ISOC1: variants seen among roughly 807,000 people sequenced by gnomAD.
The protein encoded by ISOC1 is isochorismatase domain-containing protein 1.
In ISOC1, 33 loss-of-function variants were observed where a neutral mutation model predicts 30.0. That is an observed-to-expected ratio of 1.10 (90% CI 0.83 to 1.47). The LOEUF (loss-of-function observed/expected upper bound fraction) is 1.47, where lower values mean the gene tolerates loss of function less well. Among genes scored for constraint, ISOC1 ranks in the 40% most tolerant of loss-of-function variants. The probability of loss-of-function intolerance (pLI) is 0.00; values close to 1 mark genes in which losing one functional copy is unlikely to be tolerated. For synonymous variants in ISOC1, 178 were observed against 159.8 expected (o/e 1.11, Z -0.86); for missense variants, 372 against 388.0 (o/e 0.96, Z 0.35).
intron 1 of ISOC1, among the ~76,000 whole-genome samples, chr5:129,096,259 A>G (rs1328053143): frequency 6.6e-6 from 1 of 152,230 alleles, no homozygotes; most frequent in Non-Finnish European, 1.5e-5. Flanking sequence ...TGTTAACTAT[A>G]GTCACGCTAT....
At chr5:129,108,354 G>C (rs1561423503) in intron 4 of ISOC1, among the ~76,000 whole-genome samples, 1 of 152,134 alleles carries the variant, frequency 6.6e-6, no homozygotes, top group African/African-American at 2.4e-5. Flanking sequence ...TCCCTTCTCT[G>C]TTATTGCTGA....
At chr5:129,108,637 G>A (rs1753666623) in intron 4 of ISOC1, among the ~76,000 whole-genome samples, 1 of 151,742 alleles carries the variant, frequency 6.6e-6, no homozygotes, top group Non-Finnish European at 1.5e-5. Flanking sequence ...TCAGCCTCCC[G>A]AGTAGCTGGG....
At chr5:129,107,472 C>T (rs1753652664) in intron 4 of ISOC1, among the ~76,000 whole-genome samples, 1 of 152,008 alleles carries the variant, frequency 6.6e-6, no homozygotes, top group South Asian at 2.1e-4. Context: ...TATAGTGGAC[C>T]TTCTGTATCC....
At position 129,100,360 on chromosome 5, in the gene ISOC1, C is replaced by G. The variant is rs1753555285; in HGVS notation, c.310-4596C>G. On this transcript the variant is annotated intron_variant, in intron 1 of 4. Coordinates refer to ENST00000173527, the MANE Select transcript of ISOC1 (RefSeq NM_016048.2). ...AAATATTTATACTTGAATCTGATCTCTTAAACTCTTGCTTGAGGAAGCCAT... is the reference window on the plus strand; with the variant it reads ...AAATATTTATACTTGAATCTGATCTGTTAAACTCTTGCTTGAGGAAGCCAT... Among the ~76,000 whole-genome samples the G allele has an allele frequency of 2.0e-5, 3 of 152,080 alleles. No homozygotes were observed. In the South Asian group the frequency reaches 6.2e-4, roughly 31 times the overall value.
At chr5:129,111,617 G>A (rs976755392) in intron 4 of ISOC1, among the ~76,000 whole-genome samples, 3 of 152,104 alleles carry the variant, frequency 2.0e-5, no homozygotes, top group Admixed American at 2.0e-4. Context: ...ATAACAGTTT[G>A]TGTCTTTTTT....
rs192674296 is a variant in ISOC1 at position 129,106,424 on chromosome 5, C to T, written c.634-522C>T. ...AGATGGAATCTGTATAATACATTTG[C>T]GGATGATATGAACTGGGTATTTTTT... On this transcript the variant is annotated intron_variant, in intron 3 of 4. Transcript: ENST00000173527. 1.9e-3 allele frequency among the ~76,000 whole-genome samples: 296 copies of T among 152,210 alleles called. 1 individual carries two copies. Among genetic ancestry groups the T allele is most frequent in the African/African-American group, 6.2e-3 (256 of 41,526 alleles).
intron 4 of ISOC1, among the ~76,000 whole-genome samples, chr5:129,110,135 C>T (rs562302438): frequency 2.0e-5 from 3 of 152,092 alleles, no homozygotes; most frequent in Non-Finnish European, 4.4e-5. Flanking sequence ...GTCTTTTTCC[C>T]CCCTCTCTGA....
chr5:129,101,353 G>C (rs576704142), intron 1 of ISOC1, among the ~76,000 whole-genome samples: 4 of 151,280 alleles, frequency 2.6e-5, no homozygotes, highest in Non-Finnish European at 4.4e-5. Context: ...AAAATTAGCC[G>C]GGTGCAGTGG....
intron 4 of ISOC1, among the ~76,000 whole-genome samples, chr5:129,111,890 T>A (rs990841069): frequency 2.0e-5 from 3 of 152,258 alleles, no homozygotes; most frequent in Admixed American, 6.5e-5. Flanking sequence ...CAACCTTGAA[T>A]TTTACACTCT....
chr5:129,107,044 C>G lies in ISOC1; in HGVS notation c.732C>G (p.Asp244Glu). Residue 244 changes from aspartate (D) to glutamate (E), a missense_variant, in exon 4 of 5, where the codon GAC (aspartate) becomes GAG (glutamate). Physicochemically the swap from Asp to Glu is conservative, Grantham distance 45. Transcript: ENST00000173527. ...ADATSSRSMM[D>E]RMFALERLAR... is the part of the protein sequence containing the mutation. Reference sequence around the variant, plus strand: ...CCACCTCATCAAGAAGCATGATGGACAGGATGTTTGCCCTCGAGGTAATTG... The same window carrying G: ...CCACCTCATCAAGAAGCATGATGGAGAGGATGTTTGCCCTCGAGGTAATTG... 6.2e-7 allele frequency: 1 copy of G among 1,613,172 alleles called. No individual in the cohort carries two copies. The highest frequency in any genetic ancestry group is 1.7e-4 in the Middle Eastern group (1 of 6,058).
chr5:129,113,322 T>G lies in ISOC1; in HGVS notation c.*321T>G, dbSNP rs1339037508. The G allele has an allele frequency of 5.2e-6, 1 of 190,748 alleles. No individual in the cohort carries two copies. Among genetic ancestry groups the G allele is most frequent in the Non-Finnish European group, 1.1e-5 (1 of 93,528 alleles). The allele number at this position is 190,748 out of a possible 1,614,324, so 11.8% of individuals were successfully genotyped here. ...TATCTTTCCAAAGTGCAGACTCTTGTGAAGTTTTCTTAAATTGTTCACTTT... is the reference window on the plus strand; with the variant it reads ...TATCTTTCCAAAGTGCAGACTCTTGGGAAGTTTTCTTAAATTGTTCACTTT... On this transcript the variant is annotated 3_prime_UTR_variant, in exon 5 of 5. Transcript: ENST00000173527.
intron 1 of ISOC1, among the ~76,000 whole-genome samples, chr5:129,104,728 T>C (rs1753614211): frequency 6.6e-6 from 1 of 152,140 alleles, no homozygotes; most frequent in Non-Finnish European, 1.5e-5. Context: ...ATCATATCTG[T>C]ATTGTTGGCT....
intron 1 of ISOC1, among the ~76,000 whole-genome samples, 185 bp downstream of exon 1, chr5:129,095,260 T>C (rs1341307922): frequency 1.3e-5 from 2 of 152,226 alleles, no homozygotes; most frequent in Admixed American, 6.5e-5. Context: ...GGAATGCCCC[T>C]GTCCAAAGGT....
rs142101029 is a variant in ISOC1, at chr5:129,101,788, A to G, written c.310-3168A>G. On this transcript the variant is annotated intron_variant, in intron 1 of 4. Coordinates refer to ENST00000173527, the MANE Select transcript of ISOC1 (RefSeq NM_016048.2). ...TTCCAAAATCCAAACTAGGATACCA[A>G]TTACATTTTGTTGTCTTGTCTCCTT... Among the ~76,000 whole-genome samples, 544 of 152,298 alleles carry G rather than the reference A, an allele frequency of 3.6e-3. 5 individuals are homozygous for G. Among genetic ancestry groups the G allele is most frequent in the African/African-American group, 0.012 (506 of 41,554 alleles).
At chr5:129,106,118 G>A (rs1384351305) in intron 3 of ISOC1, among the ~76,000 whole-genome samples, 1 of 152,120 alleles carries the variant, frequency 6.6e-6, no homozygotes, top group Non-Finnish European at 1.5e-5. Flanking sequence ...GTATAAATAT[G>A]TCGTACCAAG....
At chr5:129,106,873 A>G (rs777697702) in intron 3 of ISOC1, 73 bp from the exon 4 acceptor site, 42 of 1,030,672 alleles carry the variant, frequency 4.1e-5, no homozygotes, top group East Asian at 7.7e-5. Context: ...CTGCTTTATC[A>G]TGTTGTTGTA....
rs758590736 is a variant in ISOC1, at chr5:129,113,271, T to C, written c.*270T>C. The C allele has an allele frequency of 3.6e-4, 111 of 306,402 alleles. No homozygotes were observed. The highest frequency in any genetic ancestry group is 5.8e-4 in the Non-Finnish European group (96 of 165,234). The allele number at this position is 306,402 out of a possible 1,614,324, so 19.0% of individuals were successfully genotyped here. A position where few individuals can be genotyped will look rare whatever the true frequency, so the allele number is the denominator to read the frequency against. ...AAAAAATTACAATGAAGATGCCTGT[T>C]TTGTCTCTACTGTGTACTCTGATCG... is the stretch of plus-strand genomic sequence containing the variant. On this transcript the variant is annotated 3_prime_UTR_variant, in exon 5 of 5. Transcript: ENST00000173527.
chr5:129,097,219 T>A (rs1272101680), intron 1 of ISOC1, among the ~76,000 whole-genome samples: 1 of 152,190 alleles, frequency 6.6e-6, no homozygotes, highest in Non-Finnish European at 1.5e-5. Context: ...TTTTCTCTTC[T>A]ATATTATCTC....
At position 129,105,289 on chromosome 5, in the gene ISOC1, G is replaced by A. The variant is rs1234518829; in HGVS notation, c.534G>A (p.Leu178=). 6.2e-7 allele frequency: 1 copy of A among 1,613,646 alleles called. No homozygotes were observed. Among genetic ancestry groups the A allele is most frequent in the Non-Finnish European group, 8.5e-7 (1 of 1,179,724 alleles). Residue 178 remains leucine, a synonymous_variant, in exon 3 of 5, where the codon CTG becomes CTA. Transcript: ENST00000173527. ...VQEIDLTGVK[L]VLPKTKFSMV... ...AAATTGATTTAACAGGTGTAAAACT[G>A]GTACTTCCAAAGACCAAGTTTTCAA...
Sources: allele counts gnomAD v4.1 joint callset (sites outside exome capture counted in the v4.1 genomes callset), GRCh38; gene constraint gnomAD v4.1.1; transcripts MANE v1.5; gene names NCBI Gene and HGNC (gene_info 2026-07-23, HGNC 2026-07-21).